KYNU: variants seen among roughly 807,000 people sequenced by gnomAD.
KYNU encodes the protein L-kynurenine hydrolase.
Under a neutral mutation model 59.2 loss-of-function variants are expected in KYNU, and 54 were observed. The observed-to-expected ratio is 0.91, with a 90% CI of 0.73 to 1.14. KYNU has a LOEUF of 1.14. Among genes scored for constraint, KYNU ranks in the 50% most tolerant of loss-of-function variants. The pLI, the probability that KYNU is intolerant of heterozygous loss-of-function variation, is 0.00. For synonymous variants in KYNU, 177 were observed against 192.0 expected, an observed-to-expected ratio of 0.92 and a Z score of 0.65; for missense variants, 567 against 554.4, an observed-to-expected ratio of 1.02 and a Z score of -0.23.
At chr2:143,041,514 A>G (rs1420124670) in intron 13 of KYNU, among the ~76,000 whole-genome samples, 1 of 152,008 alleles carries the variant, frequency 6.6e-6, no homozygotes, top group Non-Finnish European at 1.5e-5. Flanking sequence ...TATATACTAT[A>G]TTGTCTAGCC....
chr2:142,912,212 G>A (rs955317800), intron 2 of KYNU, among the ~76,000 whole-genome samples: 10 of 151,912 alleles, frequency 6.6e-5, no homozygotes, highest in South Asian at 4.2e-4. Flanking sequence ...TTTTATGACT[G>A]ATTCAAGTTG....
At chr2:143,007,053 T>C (rs899817449) in intron 10 of KYNU, among the ~76,000 whole-genome samples, 1 of 152,104 alleles carries the variant, frequency 6.6e-6, no homozygotes, top group Non-Finnish European at 1.5e-5. Flanking sequence ...CAAAGCTGGA[T>C]GGAGAATGAC....
intron 12 of KYNU, among the ~76,000 whole-genome samples, chr2:143,039,788 A>G (rs887948666): frequency 6.6e-6 from 1 of 152,086 alleles, no homozygotes; most frequent in Non-Finnish European, 1.5e-5. Flanking sequence ...GCCTCAGTAA[A>G]TTTACTTAAT....
chr2:142,991,132 T>C (rs1685386839), intron 10 of KYNU, among the ~76,000 whole-genome samples: 1 of 151,982 alleles, frequency 6.6e-6, no homozygotes, highest in African/African-American at 2.4e-5. Context: ...TAACATTGTA[T>C]GAAGAGATCG....
intron 2 of KYNU, among the ~76,000 whole-genome samples, chr2:142,886,172 C>T (rs776154545): frequency 1.3e-5 from 2 of 152,086 alleles, no homozygotes; most frequent in Non-Finnish European, 2.9e-5. Context: ...AATGATTCAT[C>T]ATATTTAGCT....
intron 3 of KYNU, among the ~76,000 whole-genome samples, chr2:142,925,013 C>A (rs1683004044): frequency 6.6e-6 from 1 of 152,086 alleles, no homozygotes; most frequent in Non-Finnish European, 1.5e-5. Flanking sequence ...GAAACACATC[C>A]TTAAAGATTA....
intron 8 of KYNU, among the ~76,000 whole-genome samples, chr2:142,980,587 G>A (rs1004791970): frequency 6.6e-6 from 1 of 152,070 alleles, no homozygotes; most frequent in Admixed American, 6.6e-5. Flanking sequence ...ATAATCAAAT[G>A]TATGATTTAT....
At chr2:142,905,038 T>C (rs566190132) in intron 2 of KYNU, among the ~76,000 whole-genome samples, 2 of 152,296 alleles carry the variant, frequency 1.3e-5, no homozygotes, top group East Asian at 3.9e-4. Flanking sequence ...CAACAGTTCT[T>C]ATGCAAATTC....
At chr2:142,915,061 TC>T (rs1682627938) in intron 2 of KYNU, among the ~76,000 whole-genome samples, 1 of 152,214 alleles carries the variant, frequency 6.6e-6, no homozygotes, top group Non-Finnish European at 1.5e-5. Context: ...TCTTAATAAC[TC>T]CTATAACAAA....
chr2:143,036,540 C>T (rs1236422818), intron 12 of KYNU, among the ~76,000 whole-genome samples: 1 of 152,198 alleles, frequency 6.6e-6, no homozygotes, highest in African/African-American at 2.4e-5. Context: ...CCAGTATAAG[C>T]ATGCCAGGGC....
At chr2:142,964,978 A>G (rs1178890050) in intron 8 of KYNU, among the ~76,000 whole-genome samples, 2 of 152,084 alleles carry the variant, frequency 1.3e-5, no homozygotes, top group African/African-American at 2.4e-5. Flanking sequence ...TATATTTTTC[A>G]TATTCTGTTA....
rs1226130171 is a variant in KYNU at position 142,939,625 on chromosome 2, A to AAAAAG, written c.373+11889_373+11893dup. On this transcript the variant is annotated intron_variant, in intron 4 of 13. Transcript: ENST00000264170. Reference sequence around the variant, plus strand: ...CACAAAAAAAAAAAAAAAAAAAAGAAAAAAGAAAAAGAAAAGATAACAGAT... The same window carrying AAAAAG: ...CACAAAAAAAAAAAAAAAAAAAAGAAAAAAGAAAAGAAAAAGAAAAGATAACAGAT... Among the ~76,000 whole-genome samples the AAAAAG allele has an allele frequency of 2.7e-5, 4 of 150,356 alleles. No homozygotes were observed. The East Asian group carries it at 7.8e-4, about 29-fold the overall frequency.
chr2:142,908,431 T>C (rs1023475677), intron 2 of KYNU, among the ~76,000 whole-genome samples: 2 of 152,090 alleles, frequency 1.3e-5, no homozygotes, highest in African/African-American at 4.8e-5. Flanking sequence ...ATTTGTTTTG[T>C]TTTTAATGGG....
rs1435963324 is a variant in KYNU, at chr2:143,045,562, G to T, written c.*3390G>T. On this transcript the variant is annotated 3_prime_UTR_variant, in exon 14 of 14. Coordinates refer to ENST00000264170, the MANE Select transcript of KYNU (RefSeq NM_003937.3). ...TAGTCCTTCACATCCCTTGTAAGTT[G>T]TATTCCTAGGTATTTTATTCTCTTT... The T allele has an allele frequency of 1.3e-5, 2 of 152,140 alleles. No homozygotes were observed. The highest frequency in any genetic ancestry group is 2.9e-5 in the Non-Finnish European group (2 of 68,064). 9.4% of individuals were successfully genotyped at this position (152,140 alleles called of 1,614,324 possible). A position where few individuals can be genotyped will look rare whatever the true frequency, so the allele number is the denominator to read the frequency against.
chr2:143,020,851 G>C (rs1686386170), intron 10 of KYNU, among the ~76,000 whole-genome samples: 1 of 152,084 alleles, frequency 6.6e-6, no homozygotes, highest in Admixed American at 6.5e-5. Context: ...TTATAACTTT[G>C]GTAGCTATTG....
intron 2 of KYNU, among the ~76,000 whole-genome samples, chr2:142,913,638 C>A (rs1682577901): frequency 6.6e-6 from 1 of 152,132 alleles, no homozygotes; most frequent in Non-Finnish European, 1.5e-5. Flanking sequence ...AGAGTATGTT[C>A]TGTTCACAGA....
Position 142,927,664 on chromosome 2 carries a change from C to CCTAT in KYNU, c.297_300dup (p.Gly101LeufsTer4). ...ATGTCCGTTTTCAATTTCAGAGCAG[C>CCTAT]CTATGGTCATGAAGTGGGGAAGCGT... is the stretch of plus-strand genomic sequence containing the variant. On this transcript the variant is annotated frameshift_variant, in exon 4 of 14. Transcript: ENST00000264170. LOFTEE classifies it high-confidence loss of function. 1.2e-6 allele frequency: 2 copies of CCTAT among 1,612,242 alleles called. No individual in the cohort carries two copies. Among genetic ancestry groups the CCTAT allele is most frequent in the Non-Finnish European group, 1.7e-6 (2 of 1,178,546 alleles).
intron 8 of KYNU, among the ~76,000 whole-genome samples, chr2:142,969,459 T>TA (rs1684649631): frequency 6.6e-6 from 1 of 152,196 alleles, no homozygotes; most frequent in Non-Finnish European, 1.5e-5. Flanking sequence ...TCTGTAGTCT[T>TA]AAATCCATGC....
intron 10 of KYNU, among the ~76,000 whole-genome samples, chr2:143,020,200 A>AG (rs1349770106): frequency 1.3e-5 from 2 of 151,838 alleles, no homozygotes; most frequent in Non-Finnish European, 2.9e-5. Flanking sequence ...TAGTTCCTTG[A>AG]GGTGCATCAT....
Sources: gnomAD v4.1 joint callset for allele counts (sites outside exome capture counted in the v4.1 genomes callset) on GRCh38, gnomAD v4.1.1 for gene constraint, MANE v1.5 for transcripts, NCBI Gene and HGNC (gene_info 2026-07-23, HGNC 2026-07-21) for gene names.